The following AP3S2 variants were observed in gnomAD, a reference collection of about 807,000 sequenced individuals.
AP3S2 encodes the protein adaptor related protein complex 3 subunit sigma 2, also known as AP-3 complex subunit sigma-2.
Under a neutral mutation model 23.4 loss-of-function variants are expected in AP3S2, and 22 were observed. The ratio of observed to expected loss-of-function variants is 0.94; its 90% CI spans 0.67 to 1.34. AP3S2 has a LOEUF of 1.34. Among genes scored for constraint, AP3S2 ranks in the 40% most tolerant of loss-of-function variants. AP3S2 has a pLI of 0.00. For synonymous variants in AP3S2, 86 were observed against 87.1 expected (o/e 0.99, Z 0.07); for missense variants, 241 against 236.9 (o/e 1.02, Z -0.11).
intron 3 of AP3S2, among the ~76,000 whole-genome samples, chr15:89,872,998 T>C (rs1342502903): frequency 6.6e-6 from 1 of 152,248 alleles, no homozygotes; most frequent in Non-Finnish European, 1.5e-5. Flanking sequence ...AACAGATATA[T>C]ACATGTATGC....
chr15:89,872,904 C>T (rs1896354061), intron 3 of AP3S2, among the ~76,000 whole-genome samples: 1 of 152,132 alleles, frequency 6.6e-6, no homozygotes, highest in Non-Finnish European at 1.5e-5. Context: ...CTGTATTTTG[C>T]CAGATACCAA....
At chr15:89,877,016 G>A in intron 3 of AP3S2, 1 of 275,084 alleles carries the variant, frequency 3.6e-6, no homozygotes, top group South Asian at 3.6e-5. Flanking sequence ...AAAAAGTCAA[G>A]GCAAGAAAAA....
chr15:89,837,789 T>A (rs1895232635), intron 4 of AP3S2, 67 bp from the exon 5 acceptor site: 4 of 1,593,764 alleles, frequency 2.5e-6, no homozygotes, highest in Non-Finnish European at 3.4e-6. Context: ...CCACGAGGTT[T>A]CCTTTTCCTG....
At position 89,835,100 on chromosome 15, in the gene AP3S2, T is replaced by A. The variant is rs1895157151; in HGVS notation, c.*415A>T. The A allele has an allele frequency of 9.6e-6, 2 of 208,472 alleles. No homozygotes were observed. Among genetic ancestry groups the A allele is most frequent in the African/African-American group, 2.3e-5 (1 of 43,674 alleles). The allele number at this position is 208,472 out of a possible 1,614,324, so 12.9% of individuals were successfully genotyped here. A position where few individuals can be genotyped will look rare whatever the true frequency, so the allele number is the denominator to read the frequency against. On this transcript the variant is annotated 3_prime_UTR_variant, in exon 6 of 6. Transcript: ENST00000336418. ...ACAGGACCTCAGAAGTCTGTGGTGC[T>A]AAGGATGAAGACTCTACTCAGAGAA...
intron 4 of AP3S2, among the ~76,000 whole-genome samples, chr15:89,839,795 T>C (rs543313993): frequency 1.3e-5 from 2 of 151,938 alleles, no homozygotes; most frequent in Non-Finnish European, 2.9e-5. Context: ...ATCAACAAAA[T>C]GTGCCATAGA....
At chr15:89,893,810 C>T (rs1287068531) in intron 1 of AP3S2, 71 bp downstream of exon 1, 1 of 1,499,994 alleles carries the variant, frequency 6.7e-7, no homozygotes. Context: ...CCCCGGGCGC[C>T]GAGAGGCCAA....
intron 3 of AP3S2, among the ~76,000 whole-genome samples, chr15:89,880,148 A>T (rs1214304305): frequency 1.3e-5 from 2 of 151,980 alleles, no homozygotes; most frequent in South Asian, 2.1e-4. Context: ...GTCTCCAAAA[A>T]ATAAAAAATA....
At chr15:89,842,004 G>C (rs926163111) in intron 4 of AP3S2, among the ~76,000 whole-genome samples, 1 of 152,096 alleles carries the variant, frequency 6.6e-6, no homozygotes, top group Non-Finnish European at 1.5e-5. Context: ...TTGTCTCTAT[G>C]AAATGAGAGC....
intron 4 of AP3S2, among the ~76,000 whole-genome samples, chr15:89,870,105 C>T (rs1431272446): frequency 6.6e-6 from 1 of 152,136 alleles, no homozygotes; most frequent in Non-Finnish European, 1.5e-5. Context: ...TCTCCATTCC[C>T]CCTATATTTT....
intron 4 of AP3S2, among the ~76,000 whole-genome samples, chr15:89,851,513 A>C (rs973157577): frequency 6.6e-6 from 1 of 151,922 alleles, no homozygotes; most frequent in African/African-American, 2.4e-5. Flanking sequence ...TAATTTTTCT[A>C]TTTTTAGTAG....
intron 1 of AP3S2, 150 bp downstream of exon 1, chr15:89,893,731 A>G (rs1896872196): frequency 1.4e-6 from 1 of 706,708 alleles, no homozygotes; most frequent in South Asian, 1.9e-5. Context: ...GCCTGCGCCT[A>G]GATTAAATGC....
chr15:89,851,587 T>A (rs1056854531), intron 4 of AP3S2, among the ~76,000 whole-genome samples: 6 of 152,184 alleles, frequency 3.9e-5, no homozygotes, highest in Non-Finnish European at 8.8e-5. Flanking sequence ...TCTGCCCAAC[T>A]CGGCCTCCCA....
At chr15:89,891,384 T>C (rs1896816567) in intron 1 of AP3S2, among the ~76,000 whole-genome samples, 1 of 152,004 alleles carries the variant, frequency 6.6e-6, no homozygotes, top group Admixed American at 6.6e-5. Flanking sequence ...ATGAGCTGGG[T>C]GCGGTGGCTC....
At position 89,867,742 on chromosome 15, in the gene AP3S2, C is replaced by T. The variant is rs1008757621; in HGVS notation, c.345+3733G>A. On this transcript the variant is annotated intron_variant, in intron 4 of 5. Transcript: ENST00000336418. ...GGTAAGGAGCGTCTCTGCCCGGCCG[C>T]CCTGTCTGAGAAGTGAGGAGACCCT... Among the ~76,000 whole-genome samples, 23 of 140,292 alleles carry T rather than the reference C, an allele frequency of 1.6e-4. No individual in the cohort carries two copies. In the East Asian group the frequency reaches 5.3e-3, roughly 33 times the overall value. 92.0% of individuals were successfully genotyped at this position (140,292 alleles called of 152,430 possible). A position where few individuals can be genotyped will look rare whatever the true frequency, so the allele number is the denominator to read the frequency against.
chr15:89,850,462 C>T (rs138561338), intron 4 of AP3S2, among the ~76,000 whole-genome samples: 6 of 152,262 alleles, frequency 3.9e-5, no homozygotes, highest in South Asian at 2.1e-4. Context: ...AAGCACTCTA[C>T]GATACACATG....
In AP3S2 at chr15:89,837,668, TG is replaced by T; in HGVS notation, c.399del (p.Asn133LysfsTer2). 6.2e-6 allele frequency: 10 copies of T among 1,614,202 alleles called. No individual in the cohort carries two copies. Among genetic ancestry groups the T allele is most frequent in the Non-Finnish European group, 8.5e-6 (10 of 1,180,034 alleles). On this transcript the variant is annotated frameshift_variant, in exon 5 of 6. Transcript: ENST00000336418. LOFTEE classifies it high-confidence loss of function. ...VVMGGMVLET[N>X]MNEIVAQIEA... is the part of the protein sequence containing the mutation. ...TCAATCTGAGCCACGATTTCATTCA[TG>T]TTTGTTTCCAACACCATCCCACCCA...
intron 4 of AP3S2, 195 bp from the exon 5 acceptor site, chr15:89,837,917 C>T: frequency 7.3e-6 from 4 of 546,466 alleles, no homozygotes; most frequent in Non-Finnish European, 9.6e-6. Flanking sequence ...CAACACGAAT[C>T]TCTCCCCTCA....
intron 4 of AP3S2, among the ~76,000 whole-genome samples, chr15:89,863,773 G>C (rs766034490): frequency 6.6e-6 from 1 of 152,210 alleles, no homozygotes; most frequent in Non-Finnish European, 1.5e-5. Context: ...GAACTGATGA[G>C]AGTTTCTGAC....
intron 4 of AP3S2, among the ~76,000 whole-genome samples, chr15:89,847,373 T>G (rs1596191420): frequency 2.3e-5 from 1 of 44,272 alleles, no homozygotes; most frequent in African/African-American, 9.6e-5. Context: ...GAGACCCTGT[T>G]ACAAAAAAAA....
Sources: gnomAD v4.1 joint callset for allele counts (sites outside exome capture counted in the v4.1 genomes callset) on GRCh38, gnomAD v4.1.1 for gene constraint, MANE v1.5 for transcripts, NCBI Gene and HGNC (gene_info 2026-07-23, HGNC 2026-07-21) for gene names.